The following PRKCQ variants were observed in gnomAD, a reference collection of about 807,000 sequenced individuals.
PRKCQ encodes protein kinase C theta type.
Under a neutral mutation model 91.2 loss-of-function variants are expected in PRKCQ, and 41 were observed. That is an observed-to-expected ratio of 0.45 (90% CI 0.35 to 0.58). PRKCQ has a LOEUF of 0.58. Ranked by LOEUF, PRKCQ falls within the 20% of genes least tolerant of loss-of-function variation. The pLI is 0.00. For synonymous variants in PRKCQ, 307 were observed against 316.9 expected (o/e 0.97, Z 0.33); for missense variants, 673 against 896.5 (o/e 0.75, Z 3.18).
Position 6,486,170 on chromosome 10 carries a change from G to A in PRKCQ, c.791-26C>T, listed in dbSNP as rs191235440. ...CTGGAAGGAAGAAGGCAGATAGTGA[G>A]CAAGAGTGGAAGAACCCCCTGGTGC... On this transcript the variant is annotated intron_variant, in intron 8 of 17. Coordinates refer to ENST00000263125, the MANE Select transcript of PRKCQ (RefSeq NM_006257.5). 76 of 1,586,904 alleles carry A rather than the reference G, an allele frequency of 4.8e-5. No individual in the cohort carries two copies. The East Asian group carries it at 8.9e-4, about 19-fold the overall frequency.
chr10:6,566,952 G>C (rs1196160713), intron 1 of PRKCQ, among the ~76,000 whole-genome samples: 1 of 152,070 alleles, frequency 6.6e-6, no homozygotes, highest in Non-Finnish European at 1.5e-5. Context: ...CCTTCATATT[G>C]GTAACTGGAG....
At chr10:6,404,828 C>CTTCT in the PRKCQ span, among the ~76,000 whole-genome samples, 39 of 127,416 alleles carry the variant, frequency 3.1e-4, no homozygotes, top group South Asian at 1.5e-3. Context: ...TCTTTCTTTC[C>CTTCT]TTCTTTCTTT....
chr10:6,515,148 G>C lies in PRKCQ; in HGVS notation c.-9-4C>G. 1 of 1,611,518 alleles carries C rather than the reference G, an allele frequency of 6.2e-7. No individual in the cohort carries two copies. The highest frequency in any genetic ancestry group is 8.5e-7 in the Non-Finnish European group (1 of 1,179,430). Reference sequence around the variant, plus strand: ...GAAATGGCGACATGGTTGCGCCCTGGAAAAAGACAAAAGACAAACGCTGTT... The same window carrying C: ...GAAATGGCGACATGGTTGCGCCCTGCAAAAAGACAAAAGACAAACGCTGTT... On this transcript the variant is annotated splice_region_variant and splice_polypyrimidine_tract_variant and intron_variant, in intron 1 of 17. Transcript: ENST00000263125.
intron 1 of PRKCQ, among the ~76,000 whole-genome samples, chr10:6,520,671 A>G (rs978918356): frequency 6.6e-6 from 1 of 151,986 alleles, no homozygotes; most frequent in East Asian, 1.9e-4. Context: ...CCCTCCCATC[A>G]ACACATCTCC....
chr10:6,456,834 A>G, intron 14 of PRKCQ, 22 bp from the exon 15 acceptor site: 1 of 1,612,860 alleles, frequency 6.2e-7, no homozygotes, highest in Non-Finnish European at 8.5e-7. Flanking sequence ...AAGTGAAGCA[A>G]ATCTCACATT....
chr10:6,456,793 T>C lies in PRKCQ; in HGVS notation c.1528A>G (p.Ile510Val), dbSNP rs1835032595. 1.2e-6 allele frequency: 2 copies of C among 1,613,972 alleles called. No homozygotes were observed. The highest frequency in any genetic ancestry group is 1.1e-5 in the South Asian group (1 of 91,076). Residue 510 changes from isoleucine to valine, a missense_variant, in exon 15 of 18, where the codon ATC (isoleucine) becomes GTC (valine). Transcript: ENST00000263125. ...ATATGTCCATCTTTGTCTAACAGGA[T>C]GTTATCTAGCTTCAGGTCCCTGAAA... Reference protein sequence around the residue: ...IVYRDLKLDNILLDKDGHIKI... With the variant: ...IVYRDLKLDNVLLDKDGHIKI...
intron 1 of PRKCQ, among the ~76,000 whole-genome samples, chr10:6,554,638 G>A (rs1464619988): frequency 6.6e-6 from 1 of 152,146 alleles, no homozygotes; most frequent in East Asian, 1.9e-4. Context: ...TGGAAATTGT[G>A]TTAGGAAAAT....
At position 6,485,228 on chromosome 10, in the gene PRKCQ, A is replaced by C. The variant is rs1836837280; in HGVS notation, c.942T>G (p.Gly314=). ...LRDTEQIFRE[G]PVEIGLPCSI... ...AGCATGGGAGACCAATTTCAACCGG[A>C]CCTTCTCTGAAGATCTGTTCAGTAT... The change falls in exon 10 of 18, where the codon GGT becomes GGG. Residue 314 remains glycine (G), a synonymous_variant. Transcript: ENST00000263125. The C allele has an allele frequency of 6.2e-7, 1 of 1,614,114 alleles. No homozygotes were observed. The highest frequency in any genetic ancestry group is 1.1e-5 in the South Asian group (1 of 91,078).
rs1841097100 is a variant in PRKCQ at position 6,572,951 on chromosome 10, G to A, written c.-10+7260C>T. Among the ~76,000 whole-genome samples, 3 of 152,170 alleles carry A rather than the reference G, an allele frequency of 2.0e-5. No individual in the cohort carries two copies. In the South Asian group the frequency reaches 6.2e-4, roughly 32 times the overall value. ...TTCTGACTTGCAGGAGATGGTAACT[G>A]ATTGTGGTTTTGATTTGCATTTCTC... On this transcript the variant is annotated intron_variant, in intron 1 of 17. Coordinates refer to ENST00000263125, the MANE Select transcript of PRKCQ (RefSeq NM_006257.5).
intron 9 of PRKCQ, 87 bp from the exon 10 acceptor site, chr10:6,485,356 T>C: frequency 4.1e-6 from 4 of 985,194 alleles, no homozygotes; most frequent in South Asian, 3.9e-5. Context: ...CAAAGGCCAT[T>C]TAAAATGTTT....
At chr10:6,533,668 C>T (rs779811636) in intron 1 of PRKCQ, among the ~76,000 whole-genome samples, 1 of 152,096 alleles carries the variant, frequency 6.6e-6, no homozygotes, top group Non-Finnish European at 1.5e-5. Context: ...TAATGTGGTT[C>T]TGGCAGCAAA....
chr10:6,431,203 T>C (rs1218426532), intron 16 of PRKCQ, among the ~76,000 whole-genome samples: 2 of 152,206 alleles, frequency 1.3e-5, no homozygotes, highest in Admixed American at 6.5e-5. Context: ...AATTGGACCT[T>C]AGGCAACTGA....
At chr10:6,505,518 TTTTCTTTC>T (rs71391844) in intron 4 of PRKCQ, among the ~76,000 whole-genome samples, 1 of 110,636 alleles carries the variant, frequency 9.0e-6, no homozygotes, top group Non-Finnish European at 2.1e-5. Context: ...CCTTCCTTCC[TTTTCTTTC>T]TTTCTTTTTC....
At chr10:6,489,676 G>A (rs1435596597) in intron 8 of PRKCQ, among the ~76,000 whole-genome samples, 1 of 151,836 alleles carries the variant, frequency 6.6e-6, no homozygotes. Context: ...ACCCGGGAGT[G>A]TCAGAAGCAA....
intron 1 of PRKCQ, among the ~76,000 whole-genome samples, chr10:6,577,886 C>T (rs560473098): frequency 6.6e-6 from 1 of 151,826 alleles, no homozygotes; most frequent in South Asian, 2.1e-4. Flanking sequence ...CTTCTGAATC[C>T]CCGAAGTTAC....
intron 1 of PRKCQ, among the ~76,000 whole-genome samples, chr10:6,516,511 G>C (rs1475098480): frequency 3.3e-5 from 5 of 152,102 alleles, no homozygotes; most frequent in African/African-American, 4.8e-5. Context: ...GCAGGAGCGG[G>C]GCTAACAGCT....
the PRKCQ span, among the ~76,000 whole-genome samples, chr10:6,416,053 C>T: frequency 6.6e-6 from 1 of 152,102 alleles, no homozygotes; most frequent in South Asian, 2.1e-4. Flanking sequence ...GGCCTGTTTT[C>T]CTCTTTTGAA....
intron 1 of PRKCQ, among the ~76,000 whole-genome samples, chr10:6,523,112 A>C (rs921696053): frequency 2.0e-5 from 3 of 152,228 alleles, no homozygotes; most frequent in Non-Finnish European, 1.5e-5. Flanking sequence ...AAGAGATTAA[A>C]TATTAGCTTT....
At chr10:6,447,624 T>G (rs1834389647) in intron 15 of PRKCQ, among the ~76,000 whole-genome samples, 1 of 152,176 alleles carries the variant, frequency 6.6e-6, no homozygotes, top group Non-Finnish European at 1.5e-5. Flanking sequence ...GTTTTTCATG[T>G]GTAGCTCCTG....
Sources: allele counts gnomAD v4.1 joint callset (sites outside exome capture counted in the v4.1 genomes callset), GRCh38; gene constraint gnomAD v4.1.1; transcripts MANE v1.5; gene names NCBI Gene and HGNC (gene_info 2026-07-23, HGNC 2026-07-21).